PARN: variants seen among roughly 807,000 people sequenced by gnomAD.
PARN encodes poly(A)-specific ribonuclease.
In PARN, 71 loss-of-function variants were observed where a neutral mutation model predicts 102.8. That is an observed-to-expected ratio of 0.69 (90% confidence interval 0.57 to 0.84). PARN has a LOEUF of 0.84. Ranked by LOEUF, PARN falls within the 40% of genes least tolerant of loss-of-function variation. The probability of loss-of-function intolerance (pLI) is 0.00; values close to 1 mark genes in which losing one functional copy is unlikely to be tolerated. For missense variants in PARN, 782 were observed against 760.9 expected (o/e 1.03, Z -0.33); for synonymous variants, 261 against 252.9 (o/e 1.03, Z -0.30).
intron 21 of PARN, among the ~76,000 whole-genome samples, chr16:14,503,845 C>T (rs193238195): frequency 6.6e-6 from 1 of 152,314 alleles, no homozygotes; most frequent in East Asian, 1.9e-4. Flanking sequence ...ATAAGGAGAA[C>T]TGGAATACAA....
At position 14,617,782 on chromosome 16, in the gene PARN, C is replaced by T. The variant is rs1027500785; in HGVS notation, c.328-132G>A. On this transcript the variant is annotated intron_variant, in intron 5 of 23. Transcript: ENST00000437198. ...AAGCGATGTGCCAGAGGTCACAATA[C>T]AAGGAATTTCTACTCCACAAACAAT... 2.3e-5 allele frequency: 15 copies of T among 650,314 alleles called. No homozygotes were observed. The African/African-American group carries it at 2.5e-4, about 11-fold the overall frequency. The allele number at this position is 650,314 out of a possible 1,614,324, so 40.3% of individuals were successfully genotyped here.
intron 21 of PARN, among the ~76,000 whole-genome samples, chr16:14,515,519 G>A (rs1027486406): frequency 2.0e-5 from 3 of 152,166 alleles, no homozygotes; most frequent in African/African-American, 7.2e-5. Flanking sequence ...CCATAAAGCA[G>A]TGGCAGAAAA....
Position 14,554,150 on chromosome 16 carries a change from C to T in PARN, c.1320G>A (p.Leu440=), listed in dbSNP as rs376352894. 101 of 1,602,360 alleles carry T rather than the reference C, an allele frequency of 6.3e-5. No individual in the cohort carries two copies. Among genetic ancestry groups the T allele is most frequent in the South Asian group, 4.9e-4 (44 of 89,384 alleles). The part of the protein sequence containing the change: ...IPYLNLEGPD[L]QPKRDHVLHV... The stretch of plus-strand genomic sequence containing the variant: ...GGAGAACATGATCACGTTTAGGCTG[C>T]ACTACAAGACAAATTTATGATGAAA... The change falls in exon 20 of 24, where the codon TTG becomes TTA. Residue 440 remains leucine, a splice_region_variant and synonymous_variant. Coordinates refer to ENST00000437198, the MANE Select transcript of PARN (RefSeq NM_002582.4).
At chr16:14,498,376 T>C (rs949509392) in intron 21 of PARN, among the ~76,000 whole-genome samples, 13 of 151,960 alleles carry the variant, frequency 8.6e-5, no homozygotes, top group Non-Finnish European at 1.5e-4. Context: ...ATGGGACAAT[T>C]TTGTCTCTGG....
At chr16:14,610,041 T>C (rs996224926) in intron 7 of PARN, among the ~76,000 whole-genome samples, 1 of 151,782 alleles carries the variant, frequency 6.6e-6, no homozygotes, top group Non-Finnish European at 1.5e-5. Flanking sequence ...GTGAGATCCG[T>C]CTCTATTAAA....
chr16:14,558,113 C>T (rs779544902), intron 18 of PARN, among the ~76,000 whole-genome samples: 7 of 152,098 alleles, frequency 4.6e-5, no homozygotes, highest in Non-Finnish European at 7.4e-5. Context: ...ATTCTAAACA[C>T]CAAATTTTTT....
At chr16:14,622,914 G>A (rs1972408211) in intron 5 of PARN, among the ~76,000 whole-genome samples, 1 of 151,984 alleles carries the variant, frequency 6.6e-6, no homozygotes, top group African/African-American at 2.4e-5. Context: ...GACGAGCCAA[G>A]GCAACATGGT....
chr16:14,471,812 T>C (rs1050948844), intron 22 of PARN, among the ~76,000 whole-genome samples: 8 of 152,260 alleles, frequency 5.3e-5, no homozygotes, highest in African/African-American at 1.9e-4. Flanking sequence ...AAGGTGCTTT[T>C]ATAGCTAAGG....
chr16:14,469,014 C>T (rs1009397106), intron 22 of PARN, among the ~76,000 whole-genome samples: 3 of 151,778 alleles, frequency 2.0e-5, no homozygotes, highest in Non-Finnish European at 1.5e-5. Flanking sequence ...CCTAAAAAAA[C>T]GGGTCTGGTA....
chr16:14,584,504 A>C, intron 15 of PARN, 82 bp from the exon 16 acceptor site: 1 of 1,133,652 alleles, frequency 8.8e-7, no homozygotes, highest in African/African-American at 1.5e-5. Flanking sequence ...CCCCCCAAAA[A>C]AAAGACAGCA....
intron 6 of PARN, among the ~76,000 whole-genome samples, chr16:14,611,737 C>T (rs1228020442): frequency 6.6e-6 from 1 of 152,142 alleles, no homozygotes; most frequent in Non-Finnish European, 1.5e-5. Context: ...GACAGGGTTT[C>T]GCTATGTTGG....
chr16:14,608,384 AT>A, intron 8 of PARN, 65 bp from the exon 9 acceptor site: 1 of 1,013,042 alleles, frequency 9.9e-7, no homozygotes, highest in East Asian at 2.6e-5. Context: ...CTGATCAAGC[AT>A]TTGTTGAGAA....
chr16:14,542,509 T>C (rs1225426267), intron 21 of PARN, among the ~76,000 whole-genome samples: 1 of 150,718 alleles, frequency 6.6e-6, no homozygotes, highest in South Asian at 2.1e-4. Flanking sequence ...CAACCTATTA[T>C]AACTATGTTC....
At chr16:14,497,536 C>T (rs1172739879) in intron 21 of PARN, among the ~76,000 whole-genome samples, 1 of 152,204 alleles carries the variant, frequency 6.6e-6, no homozygotes, top group Non-Finnish European at 1.5e-5. Context: ...ACTTTGGCAA[C>T]TTGTTGGGCT....
intron 21 of PARN, among the ~76,000 whole-genome samples, chr16:14,541,632 T>C (rs543668547): frequency 1.3e-5 from 2 of 152,090 alleles, no homozygotes; most frequent in Admixed American, 6.5e-5. Flanking sequence ...CATGCTACCA[T>C]GTCCAGATAA....
chr16:14,495,314 A>G (rs1285670519), intron 21 of PARN, among the ~76,000 whole-genome samples: 1 of 151,966 alleles, frequency 6.6e-6, no homozygotes, highest in Admixed American at 6.6e-5. Context: ...CATACCCCTC[A>G]ATGTCCACTA....
intron 6 of PARN, among the ~76,000 whole-genome samples, chr16:14,613,768 C>G (rs529085621): frequency 6.6e-6 from 1 of 152,286 alleles, no homozygotes; most frequent in African/African-American, 2.4e-5. Context: ...AAGTGGTCCA[C>G]GTTAACATCA....
intron 22 of PARN, among the ~76,000 whole-genome samples, chr16:14,482,052 C>G (rs1030157770): frequency 1.3e-5 from 2 of 152,096 alleles, no homozygotes; most frequent in Non-Finnish European, 2.9e-5. Context: ...TTGCACAGAA[C>G]TGGTGAACAA....
intron 22 of PARN, among the ~76,000 whole-genome samples, chr16:14,449,007 G>A (rs1049431439): frequency 2.0e-5 from 3 of 152,064 alleles, no homozygotes; most frequent in African/African-American, 2.4e-5. Flanking sequence ...GAAAAAGTTC[G>A]GCTGATTTCA....
Sources: allele counts gnomAD v4.1 joint callset (sites outside exome capture counted in the v4.1 genomes callset), GRCh38; gene constraint gnomAD v4.1.1; transcripts MANE v1.5; gene names NCBI Gene and HGNC (gene_info 2026-07-23, HGNC 2026-07-21).